Variants in BTBD9 observed in about 807,000 individuals in gnomAD.
The protein encoded by BTBD9 is BTB domain containing 9.
BTBD9 carries 49 observed loss-of-function variants against 64.3 expected under a neutral mutation model. The ratio of observed to expected loss-of-function variants is 0.76; its 90% confidence interval spans 0.61 to 0.97. The LOEUF (loss-of-function observed/expected upper bound fraction) is 0.97, where lower values mean the gene tolerates loss of function less well. BTBD9 is among the 50% of genes least tolerant of loss of function. The pLI is 0.00. For synonymous variants in BTBD9, 260 were observed against 274.7 expected (o/e 0.95, Z 0.53); for missense variants, 598 against 762.1 (o/e 0.78, Z 2.53).
chr6:38,405,620 A>ATT (rs556526358), intron 6 of BTBD9, among the ~76,000 whole-genome samples: 77 of 152,226 alleles, frequency 5.1e-4, no homozygotes, highest in African/African-American at 1.7e-3. Context: ...AAAACAAACA[A>ATT]TAACACCCAG....
chr6:38,282,326 A>C (rs1308865815), intron 8 of BTBD9, among the ~76,000 whole-genome samples: 1 of 152,176 alleles, frequency 6.6e-6, no homozygotes, highest in East Asian at 1.9e-4. Context: ...TTGTAAACCT[A>C]GCAACACCAA....
In BTBD9 at chr6:38,356,906, T is replaced by C. The variant is rs150122085; in HGVS notation, c.1155-11813A>G. Among the ~76,000 whole-genome samples, 455 of 152,276 alleles carry C rather than the reference T, an allele frequency of 3.0e-3. 1 individual carries two copies. The highest frequency in any genetic ancestry group is 0.02 in the Middle Eastern group (6 of 294). Reference sequence around the variant, plus strand: ...CTAGAAGCTAAGTGGTGAAACAGGATAGAAGAATGTGTTTGTGGATGGGGG... The same window carrying C: ...CTAGAAGCTAAGTGGTGAAACAGGACAGAAGAATGTGTTTGTGGATGGGGG... On this transcript the variant is annotated intron_variant, in intron 6 of 10. Coordinates refer to ENST00000481247, the MANE Select transcript of BTBD9 (RefSeq NM_001099272.2).
At chr6:38,526,114 G>A (rs1259888953) in intron 6 of BTBD9, among the ~76,000 whole-genome samples, 1 of 152,238 alleles carries the variant, frequency 6.6e-6, no homozygotes, top group African/African-American at 2.4e-5. Context: ...ATACCCAGGA[G>A]AGAAGAATGG....
At chr6:38,434,250 G>A (rs1768598909) in intron 6 of BTBD9, among the ~76,000 whole-genome samples, 1 of 151,932 alleles carries the variant, frequency 6.6e-6, no homozygotes, top group Non-Finnish European at 1.5e-5. Flanking sequence ...GAGATTAACA[G>A]AGTCTAGCAC....
chr6:38,475,830 C>G (rs1006633172), intron 6 of BTBD9, among the ~76,000 whole-genome samples: 4 of 152,080 alleles, frequency 2.6e-5, no homozygotes, highest in African/African-American at 9.7e-5. Context: ...TCTAGCTCAA[C>G]CCCTGAAATG....
chr6:38,216,741 C>A (rs1231533691), intron 9 of BTBD9, among the ~76,000 whole-genome samples: 1 of 152,184 alleles, frequency 6.6e-6, no homozygotes, highest in East Asian at 1.9e-4. Flanking sequence ...ATACAGCAAC[C>A]ACCTTCTGGG....
intron 7 of BTBD9, among the ~76,000 whole-genome samples, chr6:38,326,943 T>C (rs1377458476): frequency 2.0e-5 from 3 of 152,168 alleles, no homozygotes; most frequent in African/African-American, 7.2e-5. Context: ...CTTCTGCACT[T>C]TTACACCTCA....
chr6:38,471,924 T>C (rs1447785072), intron 6 of BTBD9, among the ~76,000 whole-genome samples: 1 of 152,240 alleles, frequency 6.6e-6, no homozygotes, highest in Admixed American at 6.5e-5. Context: ...TTGCCTCTTT[T>C]GAGTTGAATA....
intron 6 of BTBD9, among the ~76,000 whole-genome samples, chr6:38,447,783 T>C (rs1769343880): frequency 2.6e-5 from 4 of 152,216 alleles, no homozygotes; most frequent in South Asian, 4.1e-4. Flanking sequence ...GGCTGTACAA[T>C]GTAGTTTATC....
chr6:38,602,664 T>A (rs116474268), intron 1 of BTBD9, among the ~76,000 whole-genome samples: 1 of 152,054 alleles, frequency 6.6e-6, no homozygotes, highest in African/African-American at 2.4e-5. Flanking sequence ...GTCAGTAAGT[T>A]TGGCCACAAA....
intron 7 of BTBD9, among the ~76,000 whole-genome samples, chr6:38,304,603 T>C (rs1012845700): frequency 6.6e-6 from 1 of 151,696 alleles, no homozygotes; most frequent in South Asian, 2.1e-4. Flanking sequence ...TCTCTCTTAA[T>C]TCTTTTTTTG....
intron 1 of BTBD9, among the ~76,000 whole-genome samples, chr6:38,617,941 C>T (rs555184222): frequency 6.6e-6 from 1 of 152,306 alleles, no homozygotes; most frequent in Admixed American, 6.5e-5. Context: ...GGCAAGGGTG[C>T]AGGTTTTTGA....
At chr6:38,628,486 T>C (rs1309036560) in intron 1 of BTBD9, among the ~76,000 whole-genome samples, 1 of 152,100 alleles carries the variant, frequency 6.6e-6, no homozygotes. Flanking sequence ...TAAGTAAATA[T>C]GTTGTCAATA....
chr6:38,408,369 A>ACAAC, intron 6 of BTBD9, among the ~76,000 whole-genome samples: 1 of 149,746 alleles, frequency 6.7e-6, no homozygotes, highest in Admixed American at 6.7e-5. Context: ...AACAAAACAA[A>ACAAC]ACCAAAAAAA....
chr6:38,627,190 G>A (rs144652152), intron 1 of BTBD9, among the ~76,000 whole-genome samples: 17 of 152,138 alleles, frequency 1.1e-4, no homozygotes, highest in African/African-American at 4.1e-4. Flanking sequence ...TTATGATGCA[G>A]GTCAGAAAAT....
intron 2 of BTBD9, among the ~76,000 whole-genome samples, chr6:38,597,066 T>C (rs1777062689): frequency 1.3e-5 from 2 of 152,140 alleles, no homozygotes; most frequent in Non-Finnish European, 2.9e-5. Flanking sequence ...AGATTGGAAG[T>C]TCATGAAAAA....
In BTBD9 at chr6:38,594,294, C is replaced by T. The variant is rs528291228; in HGVS notation, c.219G>A (p.Gln73=). The change falls in exon 3 of 11, where the codon CAG becomes CAA. Residue 73 remains glutamine (Q), a synonymous_variant. Transcript: ENST00000481247. ...CTTGGAGAGGAATTTCTGCTTCAGG[C>T]TGAGACTCTCGCATTCCACCATATA... ...ALLYGGMRES[Q]PEAEIPLQDT... The T allele has an allele frequency of 2.5e-6, 4 of 1,613,626 alleles. No homozygotes were observed. In the East Asian group the frequency reaches 8.9e-5, roughly 36 times the overall value.
chr6:38,560,433 A>G (rs1413006513), intron 6 of BTBD9, among the ~76,000 whole-genome samples: 1 of 152,204 alleles, frequency 6.6e-6, no homozygotes, highest in Non-Finnish European at 1.5e-5. Context: ...AAAATGTTTT[A>G]TTTGTATATA....
intron 6 of BTBD9, among the ~76,000 whole-genome samples, chr6:38,527,753 T>C (rs1773573769): frequency 6.9e-6 from 1 of 145,388 alleles, no homozygotes; most frequent in South Asian, 2.2e-4. Context: ...GTCAGAATCA[T>C]AATCAGAAAC....
Sources: gnomAD v4.1 joint callset for allele counts (sites outside exome capture counted in the v4.1 genomes callset) on GRCh38, gnomAD v4.1.1 for gene constraint, MANE v1.5 for transcripts, NCBI Gene and HGNC (gene_info 2026-07-23, HGNC 2026-07-21) for gene names.